Variants in NRAP observed in about 807,000 individuals in gnomAD.
NRAP encodes nebulin-related-anchoring protein.
NRAP carries 189 observed loss-of-function variants against 225.9 expected under a neutral mutation model. That is an observed-to-expected ratio of 0.84 (90% confidence interval 0.74 to 0.94). NRAP has a LOEUF of 0.94. Ranked by LOEUF, NRAP falls within the 40% of genes least tolerant of loss-of-function variation. The pLI, the probability that NRAP is intolerant of heterozygous loss-of-function variation, is 0.00. For synonymous variants in NRAP, 769 were observed against 790.7 expected (o/e 0.97, Z 0.46); for missense variants, 2,176 against 2,168.7 (o/e 1.00, Z -0.07).
chr10:113,621,130 G>T (rs760926347), intron 24 of NRAP, among the ~76,000 whole-genome samples: 4 of 152,244 alleles, frequency 2.6e-5, no homozygotes, highest in Non-Finnish European at 5.9e-5. Context: ...ACAAGGCAGC[G>T]GAGGCTTCCC....
chr10:113,588,800 G>T lies in NRAP; in HGVS notation c.*175C>A. 1.6e-6 allele frequency: 1 copy of T among 615,048 alleles called. No individual in the cohort carries two copies. The allele number at this position is 615,048 out of a possible 1,614,324, so 38.1% of individuals were successfully genotyped here. On this transcript the variant is annotated 3_prime_UTR_variant, in exon 42 of 42. Coordinates refer to ENST00000359988, the MANE Select transcript of NRAP (RefSeq NM_198060.4). ...ATCAGCCATCCACGTCTAGGTATCA[G>T]AGAGGACCACAAATACAACATTCTC...
intron 14 of NRAP, among the ~76,000 whole-genome samples, chr10:113,638,709 T>C (rs1475372999): frequency 6.6e-6 from 1 of 152,194 alleles, no homozygotes; most frequent in African/African-American, 2.4e-5. Context: ...AGTTTTTGTC[T>C]AAAATCAGAA....
In NRAP at chr10:113,588,952, T is replaced by C; in HGVS notation, c.*23A>G. 1 of 1,570,662 alleles carries C rather than the reference T, an allele frequency of 6.4e-7. No individual in the cohort carries two copies. The highest frequency in any genetic ancestry group is 8.7e-7 in the Non-Finnish European group (1 of 1,151,278). On this transcript the variant is annotated 3_prime_UTR_variant, in exon 42 of 42. Transcript: ENST00000359988. The stretch of plus-strand genomic sequence containing the variant: ...GTGAACAAACTTCCTCTCTGGCCTC[T>C]CAGGAATCAGGGTGGACATGGCTCA...
rs899364942 is a variant in NRAP, at chr10:113,629,604, T to C, written c.2024A>G (p.Tyr675Cys). 3.1e-6 allele frequency: 5 copies of C among 1,612,438 alleles called. No homozygotes were observed. The highest frequency in any genetic ancestry group is 4.2e-6 in the Non-Finnish European group (5 of 1,178,568). ...TGGGCTCACCTCGCTCTGGAGCCCA[T>C]AGGCCTTCTTGGCCCACTGAGTCTT... ...DMKTQWAKKA[Y>C]GLQSELQYKA... The change falls in exon 19 of 42, where the codon TAT becomes TGT. Residue 675 changes from tyrosine (Y) to cysteine (C), a missense_variant. Around this residue, in one of 3 missense-constraint regions of NRAP, gnomAD observed 1,708 missense variants for 1,695.5 expected, o/e 1.01. Coordinates refer to ENST00000359988, the MANE Select transcript of NRAP (RefSeq NM_198060.4).
At chr10:113,607,168 T>C (rs942392507) in intron 32 of NRAP, among the ~76,000 whole-genome samples, 14 of 151,522 alleles carry the variant, frequency 9.2e-5, no homozygotes, top group Non-Finnish European at 1.3e-4. Flanking sequence ...GCCACTGCAC[T>C]CCAGCCTGGG....
At chr10:113,661,871 A>G (rs1850700395) in intron 3 of NRAP, among the ~76,000 whole-genome samples, 1 of 152,248 alleles carries the variant, frequency 6.6e-6, no homozygotes, top group Non-Finnish European at 1.5e-5. Context: ...ACAGTGTGAA[A>G]CTAAAGGTTT....
At chr10:113,612,699 G>A (rs1426757833) in intron 29 of NRAP, among the ~76,000 whole-genome samples, 1 of 152,136 alleles carries the variant, frequency 6.6e-6, no homozygotes, top group Non-Finnish European at 1.5e-5. Flanking sequence ...AAAAGTCCAA[G>A]GAACAGTAAA....
intron 23 of NRAP, 54 bp downstream of exon 23, chr10:113,623,475 G>C (rs574841623): frequency 1.1e-5 from 12 of 1,117,002 alleles, no homozygotes; most frequent in African/African-American, 3.1e-5. Flanking sequence ...GAATCTCCCC[G>C]GTATAAAAAG....
rs1850851315 is a variant in NRAP at position 113,663,827 on chromosome 10, ATCT to A, written c.53_55del (p.Lys18del). On this transcript the variant is annotated inframe_deletion, in exon 1 of 42. Transcript: ENST00000359988. ...TCTACTGACCTGATCTATACAGCTG[ATCT>A]TCTCGGCAGGATAAACCCCATACCC... 3 of 1,613,412 alleles carry A rather than the reference ATCT, an allele frequency of 1.9e-6. No individual in the cohort carries two copies. In the Admixed American group the frequency reaches 5.0e-5, roughly 27 times the overall value.
chr10:113,612,466 A>C, intron 29 of NRAP, 35 bp from the exon 30 acceptor site: 31 of 1,576,040 alleles, frequency 2.0e-5, no homozygotes, highest in South Asian at 2.2e-5. Flanking sequence ...CAGCTATTTC[A>C]AAGCCACTAT....
chr10:113,615,418 T>G (rs1389288592), intron 27 of NRAP, among the ~76,000 whole-genome samples: 1 of 152,212 alleles, frequency 6.6e-6, no homozygotes, highest in Admixed American at 6.5e-5. Context: ...TATATTCTGA[T>G]GTTCCCACTT....
rs145132187 is a variant in NRAP, at chr10:113,625,181, T to C, written c.2245-251A>G. Among the ~76,000 whole-genome samples, 419 of 152,298 alleles carry C rather than the reference T, an allele frequency of 2.8e-3. 2 individuals carry two copies. The highest frequency in any genetic ancestry group is 5.1e-3 in the Non-Finnish European group (349 of 68,020). Reference sequence around the variant, plus strand: ...CCTGAAAACCCCTCCAAGATTTCTCTTTTCACACCTTTCCTTTGGGATGGT... The same window carrying C: ...CCTGAAAACCCCTCCAAGATTTCTCCTTTCACACCTTTCCTTTGGGATGGT... On this transcript the variant is annotated intron_variant, in intron 21 of 41. Transcript: ENST00000359988.
chr10:113,631,669 C>T, intron 17 of NRAP, 59 bp from the exon 18 acceptor site: 1 of 1,186,014 alleles, frequency 8.4e-7, no homozygotes, highest in East Asian at 2.3e-5. Flanking sequence ...GTCTAAGGGG[C>T]TCTGGTTTTA....
chr10:113,659,538 TC>T (rs1850531642), intron 3 of NRAP, among the ~76,000 whole-genome samples: 1 of 151,960 alleles, frequency 6.6e-6, no homozygotes, highest in Non-Finnish European at 1.5e-5. Context: ...AGGGTTTGCC[TC>T]CCCTAGGGAC....
At chr10:113,617,304 C>T (rs553400533) in intron 26 of NRAP, 151 bp downstream of exon 26, 5 of 518,090 alleles carry the variant, frequency 9.7e-6, no homozygotes, top group East Asian at 5.9e-5. Context: ...TGAGGAAGCA[C>T]CCCCCGCTAA....
rs1416857112 is a variant in NRAP, at chr10:113,652,946, G to A, written c.559C>T (p.Leu187=). The stretch of plus-strand genomic sequence containing the variant: ...ACCCAGGCACTCACTTGGCTGGCCA[G>A]CTGGTTGGCTTTCTTGGCCCTTTGA... ...AYQRAKKANQ[L]ASQVEYKRGH... Residue 187 remains leucine, a synonymous_variant, in exon 6 of 42, where the codon CTG becomes TTG. Coordinates refer to ENST00000359988, the MANE Select transcript of NRAP (RefSeq NM_198060.4). 3 of 1,611,826 alleles carry A rather than the reference G, an allele frequency of 1.9e-6. No homozygotes were observed. Among genetic ancestry groups the A allele is most frequent in the Non-Finnish European group, 2.5e-6 (3 of 1,178,982 alleles).
intron 32 of NRAP, 79 bp downstream of exon 32, chr10:113,608,335 C>T: frequency 2.3e-6 from 2 of 875,570 alleles, no homozygotes; most frequent in South Asian, 3.0e-5. Flanking sequence ...CTCTTTCTCA[C>T]CCCAAACACA....
intron 35 of NRAP, among the ~76,000 whole-genome samples, chr10:113,598,700 C>T (rs571089805): frequency 5.2e-4 from 79 of 152,274 alleles, no homozygotes; most frequent in African/African-American, 1.6e-3. Context: ...ACTTTAAAAA[C>T]GGAAACAAAT....
At chr10:113,641,626 C>T (rs927868728) in intron 12 of NRAP, among the ~76,000 whole-genome samples, 154 bp from the exon 13 acceptor site, 16 of 152,026 alleles carry the variant, frequency 1.1e-4, no homozygotes, top group African/African-American at 3.9e-4. Context: ...ATAAGGCAAA[C>T]TTTTTTTTAA....
Sources: allele counts gnomAD v4.1 joint callset (sites outside exome capture counted in the v4.1 genomes callset), GRCh38; gene constraint gnomAD v4.1.1; regional missense constraint gnomAD v4.1.1; transcripts MANE v1.5; gene names NCBI Gene and HGNC (gene_info 2026-07-23, HGNC 2026-07-21).